The following NTM variants were observed in gnomAD, a reference collection of about 807,000 sequenced individuals.
NTM encodes neurotrimin, also known as IgLON family member 2.
A neutral mutation model predicts 42.1 loss-of-function variants in NTM; 13 were observed. The ratio of observed to expected loss-of-function variants is 0.31; its 90% CI spans 0.20 to 0.49. NTM has a LOEUF of 0.49. Ranked by LOEUF, NTM falls within the 20% of genes least tolerant of loss-of-function variation. The pLI, the probability that NTM is intolerant of heterozygous loss-of-function variation, is 0.99. For missense variants in NTM, 373 were observed against 452.8 expected, an observed-to-expected ratio of 0.82 and a Z score of 1.60; for synonymous variants, 187 against 179.2, an observed-to-expected ratio of 1.04 and a Z score of -0.35.
At chr11:131,882,152 A>T (rs2049631092) in intron 1 of NTM, among the ~76,000 whole-genome samples, 1 of 152,190 alleles carries the variant, frequency 6.6e-6, no homozygotes, top group Non-Finnish European at 1.5e-5. Context: ...CAGAGTTGGT[A>T]ATCAATAGGG....
chr11:132,253,750 T>C (rs2092218583), intron 4 of NTM, among the ~76,000 whole-genome samples: 1 of 152,144 alleles, frequency 6.6e-6, no homozygotes. Context: ...CCCCCTCCTC[T>C]CAGAGACTGT....
At chr11:131,874,441 C>T (rs775493551) in intron 1 of NTM, among the ~76,000 whole-genome samples, 1 of 152,100 alleles carries the variant, frequency 6.6e-6, no homozygotes, top group Non-Finnish European at 1.5e-5. Context: ...ACAGTTAAGA[C>T]ATTCTCCACT....
intron 1 of NTM, among the ~76,000 whole-genome samples, chr11:131,741,176 A>AT (rs2081150466): frequency 3.9e-5 from 4 of 101,820 alleles, no homozygotes; most frequent in Non-Finnish European, 9.0e-5. Context: ...AGAGAGAGAG[A>AT]GAGAGAGAGA....
At chr11:131,467,363 C>A (rs1273007227) in intron 1 of NTM, among the ~76,000 whole-genome samples, 1 of 152,154 alleles carries the variant, frequency 6.6e-6, no homozygotes, top group African/African-American at 2.4e-5. Flanking sequence ...CAGTAGTGGT[C>A]AGGAGGGAGC....
chr11:131,971,645 A>T (rs2063542872), intron 2 of NTM, among the ~76,000 whole-genome samples: 1 of 152,140 alleles, frequency 6.6e-6, no homozygotes, highest in South Asian at 2.1e-4. Flanking sequence ...GAGCTATGTG[A>T]CCTCAGTGAT....
At chr11:131,510,165 G>T (rs1392905311) in intron 1 of NTM, among the ~76,000 whole-genome samples, 1 of 152,180 alleles carries the variant, frequency 6.6e-6, no homozygotes, top group Non-Finnish European at 1.5e-5. Context: ...GTCCCACTTA[G>T]GGGGAAAGCT....
intron 1 of NTM, among the ~76,000 whole-genome samples, chr11:131,766,009 A>G (rs2085037975): frequency 6.6e-6 from 1 of 152,192 alleles, no homozygotes; most frequent in Admixed American, 6.5e-5. Flanking sequence ...AATTCTAGGG[A>G]CCTGAATATA....
chr11:131,653,102 G>A (rs186945395), intron 1 of NTM, among the ~76,000 whole-genome samples: 2 of 152,330 alleles, frequency 1.3e-5, no homozygotes, highest in African/African-American at 4.8e-5. Context: ...CCTTCACCAG[G>A]TTCCCATGGG....
intron 1 of NTM, among the ~76,000 whole-genome samples, chr11:131,890,158 C>CTCTCTCTG (rs753017210): frequency 8.5e-5 from 5 of 58,856 alleles, no homozygotes; most frequent in East Asian, 4.7e-3. Flanking sequence ...CTCTCTCTGT[C>CTCTCTCTG]TCTCTCTCTC....
intron 3 of NTM, among the ~76,000 whole-genome samples, chr11:132,175,599 T>A (rs1417808465): frequency 6.6e-6 from 1 of 152,042 alleles, no homozygotes; most frequent in Non-Finnish European, 1.5e-5. Flanking sequence ...ACCCCCCTTT[T>A]TTTTTTCAGA....
intron 2 of NTM, among the ~76,000 whole-genome samples, chr11:132,103,072 G>A (rs544669587): frequency 3.9e-5 from 6 of 152,324 alleles, no homozygotes; most frequent in Admixed American, 1.3e-4. Context: ...TGCCAGGGCC[G>A]GCCTTCATTT....
At chr11:131,559,970 G>T (rs2056008992) in intron 1 of NTM, among the ~76,000 whole-genome samples, 1 of 152,178 alleles carries the variant, frequency 6.6e-6, no homozygotes, top group African/African-American at 2.4e-5. Context: ...AGAACTGTCT[G>T]CCTCAACCAG....
chr11:131,724,448 G>A lies in NTM; in HGVS notation c.83-187116G>A, dbSNP rs1268292446. 2.6e-5 allele frequency among the ~76,000 whole-genome samples: 4 copies of A among 152,264 alleles called. No homozygotes were observed. The East Asian group carries it at 7.7e-4, about 29-fold the overall frequency. ...TACTCTCAGGGGCTCTCAGCCTCAA[G>A]TCATGTACACATTTCTTTAAAGAAC... On this transcript the variant is annotated intron_variant, in intron 1 of 8. Transcript: ENST00000683400.
chr11:132,049,777 A>G (rs2078589174), intron 2 of NTM, among the ~76,000 whole-genome samples: 1 of 152,128 alleles, frequency 6.6e-6, no homozygotes, highest in African/African-American at 2.4e-5. Context: ...GCAAGGAGGG[A>G]CATTTCAGTC....
At chr11:131,382,431 G>T (rs1942804093) in intron 1 of NTM, among the ~76,000 whole-genome samples, 1 of 152,104 alleles carries the variant, frequency 6.6e-6, no homozygotes, top group East Asian at 1.9e-4. Context: ...GGGAACTCAG[G>T]TTCAAGATGA....
chr11:132,248,712 A>T (rs114777495), intron 4 of NTM, among the ~76,000 whole-genome samples: 1 of 152,366 alleles, frequency 6.6e-6, no homozygotes, highest in African/African-American at 2.4e-5. Flanking sequence ...TAAATAAAGC[A>T]ATTTCAGCTG....
chr11:132,111,063 CAAAAAAAAAAAAAAAAAAAAAAAAAAAA>C (rs57458373), intron 2 of NTM, among the ~76,000 whole-genome samples: 26 of 35,466 alleles, frequency 7.3e-4, no homozygotes, highest in East Asian at 3.7e-3. Flanking sequence ...GGCCCTATCT[CAAAAAAAAAAAAAAAAAAAAAAAAAAAA>C]AAAAAAAAAA....
chr11:132,038,754 G>A (rs892224660), intron 2 of NTM, among the ~76,000 whole-genome samples: 14 of 152,284 alleles, frequency 9.2e-5, no homozygotes, highest in African/African-American at 2.9e-4. Flanking sequence ...CAGCCTCAAA[G>A]AAGAAAGCCC....
intron 1 of NTM, among the ~76,000 whole-genome samples, chr11:131,616,473 C>A (rs1368478238): frequency 6.6e-6 from 1 of 152,196 alleles, no homozygotes; most frequent in Non-Finnish European, 1.5e-5. Flanking sequence ...ATTCTCCTGA[C>A]ACTCTGAGCT....
Sources: allele counts gnomAD v4.1 joint callset (sites outside exome capture counted in the v4.1 genomes callset), GRCh38; gene constraint gnomAD v4.1.1; transcripts MANE v1.5; gene names NCBI Gene and HGNC (gene_info 2026-07-23, HGNC 2026-07-21).